LARGE1: variants seen among roughly 807,000 people sequenced by gnomAD.
LARGE1 encodes LARGE xylosyl- and glucuronyltransferase 1.
In LARGE1, 43 loss-of-function variants were observed where a neutral mutation model predicts 87.6. The observed-to-expected ratio is 0.49, with a 90% confidence interval of 0.38 to 0.63. The LOEUF (loss-of-function observed/expected upper bound fraction) is 0.63, where lower values mean the gene tolerates loss of function less well. Ranked by LOEUF, LARGE1 falls within the 30% of genes least tolerant of loss-of-function variation. LARGE1 has a pLI of 0.00. For missense variants in LARGE1, 802 were observed against 1,000.2 expected (o/e 0.80, Z 2.67); for synonymous variants, 434 against 394.6 (o/e 1.10, Z -1.18).
At chr22:33,697,478 C>T (rs1343647317) in intron 2 of LARGE1, among the ~76,000 whole-genome samples, 1 of 128,370 alleles carries the variant, frequency 7.8e-6, no homozygotes. Context: ...GGGCGGATCA[C>T]GAGGTCAGGA....
At chr22:33,779,406 AG>A (rs34713763) in intron 1 of LARGE1, among the ~76,000 whole-genome samples, 31,774 of 152,116 alleles carry the variant, frequency 0.21, 4,124 homozygotes, top group East Asian at 0.38. Flanking sequence ...GAGTGGAACC[AG>A]GAAGTACCTA....
At chr22:33,575,355 GATGTAAGATCAGGAGTTCTTTAGCT>G (rs992328644) in intron 5 of LARGE1, among the ~76,000 whole-genome samples, 3 of 152,162 alleles carry the variant, frequency 2.0e-5, no homozygotes, top group African/African-American at 7.2e-5. Context: ...AGGAAGTGTT[GATGTAAGATCAGGAGTTCTTTAGCT>G]ATCTCTATAC....
At chr22:33,626,174 C>G in intron 4 of LARGE1, 70 bp downstream of exon 4, 3 of 1,401,016 alleles carry the variant, frequency 2.1e-6, no homozygotes, top group Non-Finnish European at 3.0e-6. Context: ...CCTATTTAAC[C>G]CTTCCCCAAG....
chr22:33,392,661 A>AAAT (rs1555909423), intron 7 of LARGE1, among the ~76,000 whole-genome samples: 6 of 151,966 alleles, frequency 3.9e-5, no homozygotes, highest in African/African-American at 1.5e-4. Context: ...TCTGTCTTAA[A>AAAT]AACAACAACA....
chr22:33,085,394 C>G, the LARGE1 span, among the ~76,000 whole-genome samples: 1 of 152,186 alleles, frequency 6.6e-6, no homozygotes, highest in African/African-American at 2.4e-5. Flanking sequence ...ATTTTTAAAT[C>G]TATATTGACA....
At chr22:33,222,423 C>G (rs1331862677) in intron 11 of LARGE1, among the ~76,000 whole-genome samples, 1 of 152,094 alleles carries the variant, frequency 6.6e-6, no homozygotes, top group African/African-American at 2.4e-5. Context: ...AATGGTGCCC[C>G]CCCACAAAAA....
intron 10 of LARGE1, among the ~76,000 whole-genome samples, chr22:33,330,484 T>C (rs944703361): frequency 6.6e-6 from 1 of 152,124 alleles, no homozygotes; most frequent in African/African-American, 2.4e-5. Flanking sequence ...TACCGCACCC[T>C]GCCATTTCTT....
chr22:33,357,808 A>T (rs1260346748), intron 9 of LARGE1, among the ~76,000 whole-genome samples: 1 of 152,194 alleles, frequency 6.6e-6, no homozygotes, highest in Non-Finnish European at 1.5e-5. Flanking sequence ...AGAAAAAAAA[A>T]TTATACAAAA....
At chr22:33,197,110 A>T (rs1924122469) in intron 11 of LARGE1, among the ~76,000 whole-genome samples, 2 of 152,168 alleles carry the variant, frequency 1.3e-5, no homozygotes, top group African/African-American at 4.8e-5. Context: ...ATACACTTTC[A>T]TGGAAACAAA....
At chr22:33,293,288 C>A (rs1427286582) in intron 12 of LARGE1, among the ~76,000 whole-genome samples, 1 of 152,100 alleles carries the variant, frequency 6.6e-6, no homozygotes, top group African/African-American at 2.4e-5. Flanking sequence ...AGTTTCAAGC[C>A]CCATGCTAAG....
intron 5 of LARGE1, among the ~76,000 whole-genome samples, chr22:33,582,284 G>GA (rs985470577): frequency 2.6e-5 from 4 of 151,916 alleles, no homozygotes; most frequent in Admixed American, 2.0e-4. Flanking sequence ...CTGAAACTCA[G>GA]AAAAAAATGG....
At chr22:33,280,315 C>CAAA (rs58680121) in intron 13 of LARGE1, among the ~76,000 whole-genome samples, 2,505 of 67,166 alleles carry the variant, frequency 0.037, 96 homozygotes, top group African/African-American at 0.096. Context: ...GGTAACTCCT[C>CAAA]AAAAAAAAAA....
intron 11 of LARGE1, among the ~76,000 whole-genome samples, chr22:33,173,116 C>T (rs1226533967): frequency 6.6e-6 from 1 of 152,154 alleles, no homozygotes; most frequent in African/African-American, 2.4e-5. Context: ...AGAGAAAGGT[C>T]GGGTTGCCCA....
intron 5 of LARGE1, among the ~76,000 whole-genome samples, chr22:33,577,007 T>C (rs2148850266): frequency 6.6e-6 from 1 of 152,340 alleles, no homozygotes; most frequent in South Asian, 2.1e-4. Context: ...TAGGTGACTA[T>C]GTATGCGTGG....
intron 11 of LARGE1, among the ~76,000 whole-genome samples, chr22:33,253,493 C>G (rs533122577): frequency 3.3e-5 from 5 of 152,210 alleles, no homozygotes; most frequent in Non-Finnish European, 7.3e-5. Flanking sequence ...GGGCAGATCA[C>G]TTAAGGTCAG....
chr22:33,467,690 A>G (rs2267214), intron 6 of LARGE1, among the ~76,000 whole-genome samples: 37,503 of 152,134 alleles, frequency 0.25, 4,979 homozygotes, highest in African/African-American at 0.34. Flanking sequence ...CTGGTTCCAA[A>G]TGGCATTTAG....
At chr22:33,718,577 T>C (rs2082980699) in intron 2 of LARGE1, among the ~76,000 whole-genome samples, 1 of 152,260 alleles carries the variant, frequency 6.6e-6, no homozygotes, top group African/African-American at 2.4e-5. Context: ...GCTCGCCACA[T>C]GGCCAGTGGG....
At chr22:33,627,355 G>A (rs1306744456) in intron 3 of LARGE1, among the ~76,000 whole-genome samples, 1 of 152,172 alleles carries the variant, frequency 6.6e-6, no homozygotes, top group Non-Finnish European at 1.5e-5. Context: ...CATACTTCCG[G>A]ATTTTGTCCT....
At chr22:33,346,171 C>T (rs1431566670) in intron 9 of LARGE1, among the ~76,000 whole-genome samples, 2 of 152,056 alleles carry the variant, frequency 1.3e-5, no homozygotes, top group East Asian at 3.9e-4. Flanking sequence ...CTGTGCTCTC[C>T]CCCTTGCTAG....
Sources: gnomAD v4.1 joint callset for allele counts (sites outside exome capture counted in the v4.1 genomes callset) on GRCh38, gnomAD v4.1.1 for gene constraint, MANE v1.5 for transcripts, NCBI Gene and HGNC (gene_info 2026-07-23, HGNC 2026-07-21) for gene names.